Variants in GABRR2 observed in about 807,000 individuals in gnomAD.
The protein encoded by GABRR2 is gamma-aminobutyric acid receptor subunit rho-2.
Under a neutral mutation model 47.0 loss-of-function variants are expected in GABRR2, and 36 were observed. The ratio of observed to expected loss-of-function variants is 0.77; its 90% CI spans 0.59 to 1.01. The LOEUF (loss-of-function observed/expected upper bound fraction) is 1.01. GABRR2 is among the 50% of genes least tolerant of loss of function. The pLI, the probability that GABRR2 is intolerant of heterozygous loss-of-function variation, is 0.00. For synonymous variants in GABRR2, 204 were observed against 227.5 expected (o/e 0.90, Z 0.93); for missense variants, 587 against 594.6 (o/e 0.99, Z 0.13).
chr6:89,302,064 G>A lies in GABRR2; in HGVS notation c.114-2199C>T, dbSNP rs1352369847. On this transcript the variant is annotated intron_variant, in intron 1 of 8. Coordinates refer to ENST00000402938, the MANE Select transcript of GABRR2 (RefSeq NM_002043.5). The stretch of plus-strand genomic sequence containing the variant: ...CCTGACAATTTAATCTTTGGTCAGA[G>A]TGGGGCCGGCAATAACTGGGCCAGG... The A allele has an allele frequency of 4.6e-6, 3 of 647,718 alleles. No homozygotes were observed. The Admixed American group carries it at 6.6e-5, about 14-fold the overall frequency. 40.1% of individuals were successfully genotyped at this position (647,718 alleles called of 1,614,324 possible).
At chr6:89,285,319 G>A (rs1254961267) in intron 2 of GABRR2, among the ~76,000 whole-genome samples, 1 of 152,186 alleles carries the variant, frequency 6.6e-6, no homozygotes, top group Non-Finnish European at 1.5e-5. Flanking sequence ...TTTCCTCAAG[G>A]GCTTCTTGCA....
chr6:89,302,590 C>T lies in GABRR2; in HGVS notation c.114-2725G>A, dbSNP rs572732980. The T allele has an allele frequency of 1.8e-4, 201 of 1,090,602 alleles. 1 individual carries two copies. Among genetic ancestry groups the T allele is most frequent in the South Asian group, 8.8e-4 (71 of 80,926 alleles). The allele number at this position is 1,090,602 out of a possible 1,614,324, so 67.6% of individuals were successfully genotyped here. A position where few individuals can be genotyped will look rare whatever the true frequency, so the allele number is the denominator to read the frequency against. On this transcript the variant is annotated intron_variant, in intron 1 of 8. Coordinates refer to ENST00000402938, the MANE Select transcript of GABRR2 (RefSeq NM_002043.5). ...ACTTCTTCATGCCAGGCATGAAGCC[C>T]GGGCAGCCAGCATTACCGGGCCCTG... is the stretch of plus-strand genomic sequence containing the variant.
At chr6:89,273,698 T>G (rs949850526) in intron 2 of GABRR2, among the ~76,000 whole-genome samples, 1 of 152,208 alleles carries the variant, frequency 6.6e-6, no homozygotes, top group Admixed American at 6.5e-5. Context: ...TGGCCAGAGC[T>G]GTCTCCTAGT....
rs185956849 is a variant in GABRR2 at position 89,312,635 on chromosome 6, G to A, written c.113+2418C>T. On this transcript the variant is annotated intron_variant, in intron 1 of 8. Coordinates refer to ENST00000402938, the MANE Select transcript of GABRR2 (RefSeq NM_002043.5). Reference sequence around the variant, plus strand: ...GGTCTGGTCATTTTCTTATTTGTTCGTATAGCTTGACACCTGCGTGTCAAT... The same window carrying A: ...GGTCTGGTCATTTTCTTATTTGTTCATATAGCTTGACACCTGCGTGTCAAT... Among the ~76,000 whole-genome samples, 19 of 152,324 alleles carry A rather than the reference G, an allele frequency of 1.2e-4. No individual in the cohort carries two copies. In the East Asian group the frequency reaches 2.7e-3, roughly 22 times the overall value.
intron 8 of GABRR2, among the ~76,000 whole-genome samples, chr6:89,262,122 C>T (rs527506423): frequency 1.5e-4 from 23 of 152,176 alleles, no homozygotes; most frequent in African/African-American, 5.3e-4. Context: ...ATAACTACAG[C>T]TTTGATTGGA....
chr6:89,267,218 TCGA>T (rs1314372708), intron 6 of GABRR2, among the ~76,000 whole-genome samples: 1 of 152,134 alleles, frequency 6.6e-6, no homozygotes, highest in African/African-American at 2.4e-5. Context: ...CAGGCTGGTC[TCGA>T]ACTCCTGGTA....
intron 6 of GABRR2, among the ~76,000 whole-genome samples, chr6:89,266,617 C>T (rs529332140): frequency 6.6e-6 from 1 of 152,316 alleles, no homozygotes; most frequent in East Asian, 1.9e-4. Context: ...GTCAGTTGAG[C>T]TTGGTTCAAC....
Position 89,267,775 on chromosome 6 carries a change from C to T in GABRR2, c.640G>A (p.Asp214Asn). 6.2e-7 allele frequency: 1 copy of T among 1,613,854 alleles called. No homozygotes were observed. Among genetic ancestry groups the T allele is most frequent in the African/African-American group, 1.3e-5 (1 of 75,034 alleles). Residue 214 changes from aspartate to asparagine, a missense_variant, in exon 6 of 9, where the codon GAT (aspartate) becomes AAT (asparagine). By Grantham distance (23) the Asp-to-Asn change is conservative. Coordinates refer to ENST00000402938, the MANE Select transcript of GABRR2 (RefSeq NM_002043.5). ...EDLMLYWKNG[D>N]ESLKTDEKIS... Reference sequence around the variant, plus strand: ...TTCTCATCTGTTTTTAGGGATTCATCCCCATTCTTCCAGTACAGCATTAGA... The same window carrying T: ...TTCTCATCTGTTTTTAGGGATTCATTCCCATTCTTCCAGTACAGCATTAGA...
rs1478814403 is a variant in GABRR2, at chr6:89,255,325, C to T, written c.*2345G>A. On this transcript the variant is annotated 3_prime_UTR_variant, in exon 9 of 9. Coordinates refer to ENST00000402938, the MANE Select transcript of GABRR2 (RefSeq NM_002043.5). ...TGGTGGCGCATGCCTGTAATCCCAG[C>T]TACTCCAGGGCTGAGGCAGGAGAAT... Among the ~76,000 whole-genome samples the T allele has an allele frequency of 6.6e-6, 1 of 152,090 alleles. No individual in the cohort carries two copies. The highest frequency in any genetic ancestry group is 1.5e-5 in the Non-Finnish European group (1 of 68,018).
At chr6:89,298,754 T>C (rs1774598066) in intron 2 of GABRR2, among the ~76,000 whole-genome samples, 1 of 152,192 alleles carries the variant, frequency 6.6e-6, no homozygotes, top group African/African-American at 2.4e-5. Flanking sequence ...AATGTTTATG[T>C]CCCTGACAAA....
intron 2 of GABRR2, among the ~76,000 whole-genome samples, chr6:89,277,945 C>G (rs1270959162): frequency 6.6e-6 from 1 of 152,028 alleles, no homozygotes; most frequent in African/African-American, 2.4e-5. Flanking sequence ...TATGTACACC[C>G]CATGACCCAG....
rs35608866 is a variant in GABRR2, at chr6:89,271,700, C to T, written c.243G>A (p.Val81=). 322 of 1,612,570 alleles carry T rather than the reference C, an allele frequency of 2.0e-4. No individual in the cohort carries two copies. In the African/African-American group the frequency reaches 3.5e-3, roughly 18 times the overall value. Residue 81 remains valine (V), a synonymous_variant, in exon 3 of 9, where the codon GTG becomes GTA. Coordinates refer to ENST00000402938, the MANE Select transcript of GABRR2 (RefSeq NM_002043.5). ...AFGGPAIPVG[V]DVQVESLDSI... is the part of the protein sequence containing the mutation. ...TGTCCAGGCTCTCCACCTGTACGTC[C>T]ACGCCCACCGGGATGGCAGGGCCTG...
In GABRR2 at chr6:89,315,269, G is replaced by T; in HGVS notation, c.-104C>A. The T allele has an allele frequency of 6.3e-7, 1 of 1,583,240 alleles. No homozygotes were observed. Among genetic ancestry groups the T allele is most frequent in the Non-Finnish European group, 8.6e-7 (1 of 1,163,342 alleles). ...TCCATCTGCTGCCTCCTGACGGGCT[G>T]CTCTGAGGGGCTGTGAGGGCAAGGC... is the stretch of plus-strand genomic sequence containing the variant. On this transcript the variant is annotated 5_prime_UTR_variant, in exon 1 of 9. Coordinates refer to ENST00000402938, the MANE Select transcript of GABRR2 (RefSeq NM_002043.5).
At chr6:89,289,598 A>G (rs1373245829) in intron 2 of GABRR2, among the ~76,000 whole-genome samples, 2 of 152,126 alleles carry the variant, frequency 1.3e-5, no homozygotes, top group Non-Finnish European at 2.9e-5. Context: ...GGTGTAAGGG[A>G]TGGGGGGCAC....
At chr6:89,279,374 C>CGTGT (rs142432844) in intron 2 of GABRR2, among the ~76,000 whole-genome samples, 1 of 150,818 alleles carries the variant, frequency 6.6e-6, no homozygotes, top group Non-Finnish European at 1.5e-5. Context: ...AGTGTGCATG[C>CGTGT]GTGTGTGTGT....
chr6:89,263,785 A>G (rs1191072931), intron 8 of GABRR2, among the ~76,000 whole-genome samples: 1 of 152,204 alleles, frequency 6.6e-6, no homozygotes, highest in Non-Finnish European at 1.5e-5. Flanking sequence ...GGCCTCCCAA[A>G]GTGCTGGGAT....
intron 2 of GABRR2, among the ~76,000 whole-genome samples, chr6:89,294,892 T>A (rs1317601132): frequency 6.7e-6 from 1 of 150,290 alleles, no homozygotes; most frequent in African/African-American, 2.4e-5. Flanking sequence ...CATGTGGTGT[T>A]TGGTTTTTTG....
At chr6:89,275,971 C>G (rs2127837461) in intron 2 of GABRR2, among the ~76,000 whole-genome samples, 1 of 151,916 alleles carries the variant, frequency 6.6e-6, no homozygotes, top group African/African-American at 2.4e-5. Context: ...AGGCACCTGG[C>G]AGAAATAAAC....
intron 2 of GABRR2, among the ~76,000 whole-genome samples, chr6:89,299,343 C>A (rs1422908318): frequency 5.9e-5 from 9 of 152,202 alleles, no homozygotes; most frequent in Non-Finnish European, 1.2e-4. Context: ...GACACACACA[C>A]ATGCCAAAAT....
Sources: allele counts gnomAD v4.1 joint callset (sites outside exome capture counted in the v4.1 genomes callset), GRCh38; gene constraint gnomAD v4.1.1; transcripts MANE v1.5; gene names NCBI Gene and HGNC (gene_info 2026-07-23, HGNC 2026-07-21).